Variants in FLNC observed in about 807,000 individuals in gnomAD.
The protein encoded by FLNC is filamin C.
In FLNC, 91 loss-of-function variants were observed where a neutral mutation model predicts 254.3. The ratio of observed to expected loss-of-function variants is 0.36; its 90% CI spans 0.30 to 0.43. The LOEUF (loss-of-function observed/expected upper bound fraction) is 0.43. Ranked by LOEUF, FLNC falls within the 20% of genes least tolerant of loss-of-function variation. The pLI is 1.00. For synonymous variants in FLNC, 1,430 were observed against 1,577.2 expected (o/e 0.91, Z 2.21); for missense variants, 2,853 against 3,802.6 (o/e 0.75, Z 6.57).
rs2291564 is a variant in FLNC at position 128,840,737 on chromosome 7, C to G, written c.1676+63C>G. 186,901 of 1,516,396 alleles carry G rather than the reference C, an allele frequency of 0.12. 16,615 individuals are homozygous for G. Among genetic ancestry groups the G allele is most frequent in the African/African-American group, 0.42 (30,576 of 72,676 alleles). The allele number at this position is 1,516,396 out of a possible 1,614,324, so 93.9% of individuals were successfully genotyped here. A position where few individuals can be genotyped will look rare whatever the true frequency, so the allele number is the denominator to read the frequency against. On this transcript the variant is annotated intron_variant, in intron 10 of 47. Coordinates refer to ENST00000325888, the MANE Select transcript of FLNC (RefSeq NM_001458.5). ...CCATCACAGGGAGGGACGAGGGGCACTGGGCTGCGAGGGAGTTTGAGGGGA... is the reference window on the plus strand; with the variant it reads ...CCATCACAGGGAGGGACGAGGGGCAGTGGGCTGCGAGGGAGTTTGAGGGGA...
chr7:128,852,539 G>A (rs1808862244), intron 35 of FLNC, 52 bp from the exon 36 acceptor site: 1 of 1,605,276 alleles, frequency 6.2e-7, no homozygotes, highest in African/African-American at 1.3e-5. Flanking sequence ...GCCCTGTGAG[G>A]GCAGGGCCTG....
In FLNC at chr7:128,844,641, C is replaced by T. The variant is rs1333550418; in HGVS notation, c.3193-17C>T. On this transcript the variant is annotated splice_polypyrimidine_tract_variant and intron_variant, in intron 20 of 47. Coordinates refer to ENST00000325888, the MANE Select transcript of FLNC (RefSeq NM_001458.5). The stretch of plus-strand genomic sequence containing the variant: ...GAGGCCAGGTGCAGGGAACCCACAA[C>T]CTGCCTCTTCCCCTAGGTCTGTGCT... 5.6e-6 allele frequency: 9 copies of T among 1,606,240 alleles called. No individual in the cohort carries two copies. In the South Asian group the frequency reaches 9.9e-5, roughly 18 times the overall value.
At position 128,830,613 on chromosome 7, in the gene FLNC, G is replaced by T. The variant is rs1436411028; in HGVS notation, c.-25G>T. The T allele has an allele frequency of 6.2e-7, 1 of 1,608,432 alleles. No individual in the cohort carries two copies. The highest frequency in any genetic ancestry group is 1.7e-5 in the Admixed American group (1 of 59,696). ...TAGCCCAAACCGCGGCCCTAGCCCCGGCCGCACCCCCAGCCCGCGCCAGCA... is the reference window on the plus strand; with the variant it reads ...TAGCCCAAACCGCGGCCCTAGCCCCTGCCGCACCCCCAGCCCGCGCCAGCA... On this transcript the variant is annotated 5_prime_UTR_variant, in exon 1 of 48. Coordinates refer to ENST00000325888, the MANE Select transcript of FLNC (RefSeq NM_001458.5).
In FLNC at chr7:128,836,337, C is replaced by T. The variant is rs752898053; in HGVS notation, c.601+763C>T. Among the ~76,000 whole-genome samples, 10 of 152,200 alleles carry T rather than the reference C, an allele frequency of 6.6e-5. No homozygotes were observed. The highest frequency in any genetic ancestry group is 8.8e-5 in the Non-Finnish European group (6 of 68,016). On this transcript the variant is annotated intron_variant, in intron 2 of 47. Coordinates refer to ENST00000325888, the MANE Select transcript of FLNC (RefSeq NM_001458.5). The surrounding 1 kb of genome is among the most constrained non-coding windows in gnomAD (Gnocchi z 6.0). The stretch of plus-strand genomic sequence containing the variant: ...CAGCCGGGGAGCAGAGGGTGGGAGG[C>T]GGGGGCACAGCCTCCTGGGAAGCAT...
intron 7 of FLNC, 50 bp downstream of exon 7, chr7:128,838,479 G>T (rs750976968): frequency 2.2e-5 from 35 of 1,607,544 alleles, no homozygotes; most frequent in Non-Finnish European, 2.9e-5. Flanking sequence ...ACCATGTGGG[G>T]CTGTGTGGGG....
Position 128,850,484 on chromosome 7 carries a change from G to T in FLNC, c.5398+1G>T. 1 of 1,611,202 alleles carries T rather than the reference G, an allele frequency of 6.2e-7. No individual in the cohort carries two copies. The highest frequency in any genetic ancestry group is 8.5e-7 in the Non-Finnish European group (1 of 1,178,066). ...GCGGTGCAGAAAGGGGAGCTCACAG[G>T]TACTGCCCTGTGGCTCCCAGGCATG... is the stretch of plus-strand genomic sequence containing the variant. On this transcript the variant is annotated splice_donor_variant, in intron 32 of 47. Transcript: ENST00000325888. LOFTEE classifies it high-confidence loss of function.
rs562609616 is a variant in FLNC, at chr7:128,840,820, C to T, written c.1677-14C>T. ...GCACTTCCTGGCATGGACACCAGCT[C>T]CCTCTCTGCCCAGCCCCTTTGAGGT... On this transcript the variant is annotated splice_polypyrimidine_tract_variant and intron_variant, in intron 10 of 47. Coordinates refer to ENST00000325888, the MANE Select transcript of FLNC (RefSeq NM_001458.5). 1.5e-5 allele frequency: 25 copies of T among 1,613,640 alleles called. No individual in the cohort carries two copies. In the South Asian group the frequency reaches 2.0e-4, roughly 13 times the overall value.
At position 128,835,886 on chromosome 7, in the gene FLNC, C is replaced by A. The variant is rs1409242376; in HGVS notation, c.601+312C>A. ...CACAGCTTATCTGTGGCAGAACCACCTAGAGCCCAGGGCCTGGACTCCCTG... is the reference window on the plus strand; with the variant it reads ...CACAGCTTATCTGTGGCAGAACCACATAGAGCCCAGGGCCTGGACTCCCTG... On this transcript the variant is annotated intron_variant, in intron 2 of 47. Transcript: ENST00000325888. The surrounding 1 kb of genome is among the most constrained non-coding windows in gnomAD (Gnocchi z 5.3). 6.6e-6 allele frequency among the ~76,000 whole-genome samples: 1 copy of A among 152,226 alleles called. No homozygotes were observed. Among genetic ancestry groups the A allele is most frequent in the Admixed American group, 6.5e-5 (1 of 15,294 alleles).
At chr7:128,845,941 T>C in intron 21 of FLNC, 49 bp from the exon 22 acceptor site, 1 of 1,573,428 alleles carries the variant, frequency 6.4e-7, no homozygotes, top group Non-Finnish European at 8.7e-7. Flanking sequence ...GGAGCATCTG[T>C]GTGAAGGCTG....
Position 128,830,566 on chromosome 7 carries a change from A to AACAGCGCCCG in FLNC, c.-66_-57dup. On this transcript the variant is annotated 5_prime_UTR_variant, in exon 1 of 48. Coordinates refer to ENST00000325888, the MANE Select transcript of FLNC (RefSeq NM_001458.5). Reference sequence around the variant, plus strand: ...GCAGCGAGTCCCGTGGTCGCGCCCCAACAGCGCCCGACAGCCCCCGATAGC... The same window carrying AACAGCGCCCG: ...GCAGCGAGTCCCGTGGTCGCGCCCCAACAGCGCCCGACAGCGCCCGACAGCCCCCGATAGC... 1.5e-6 allele frequency: 2 copies of AACAGCGCCCG among 1,341,632 alleles called. No homozygotes were observed. The highest frequency in any genetic ancestry group is 1.1e-6 in the Non-Finnish European group (1 of 948,840). 83.1% of individuals were successfully genotyped at this position (1,341,632 alleles called of 1,614,324 possible). A position where few individuals can be genotyped will look rare whatever the true frequency, so the allele number is the denominator to read the frequency against.
In FLNC at chr7:128,838,347, C is replaced by A. The variant is rs773165378; in HGVS notation, c.1128C>A (p.Asn376Lys). ...VNVGMALGDA[N>K]KVSARGPGLE... ...TGGGCATGGCCCTGGGAGATGCCAACAAGGTGTCAGCCCGTGGCCCTGGCC... is the reference window on the plus strand; with the variant it reads ...TGGGCATGGCCCTGGGAGATGCCAAAAAGGTGTCAGCCCGTGGCCCTGGCC... The change falls in exon 7 of 48, where the codon AAC becomes AAA. Residue 376 changes from asparagine to lysine, a missense_variant. Around this residue, in one of 10 missense-constraint regions of FLNC, gnomAD observed 1,573 missense variants for 1,883.5 expected, o/e 0.84. Coordinates refer to ENST00000325888, the MANE Select transcript of FLNC (RefSeq NM_001458.5). 6.8e-6 allele frequency: 11 copies of A among 1,613,976 alleles called. No individual in the cohort carries two copies. The highest frequency in any genetic ancestry group is 6.7e-5 in the East Asian group (3 of 44,894).
Position 128,840,870 on chromosome 7 carries a change from G to C in FLNC, c.1713G>C (p.Val571=). 2 of 1,614,026 alleles carry C rather than the reference G, an allele frequency of 1.2e-6. No individual in the cohort carries two copies. Among genetic ancestry groups the C allele is most frequent in the East Asian group, 4.5e-5 (2 of 44,876 alleles). The change falls in exon 11 of 48, where the codon GTG becomes GTC. Residue 571 remains valine (V), a synonymous_variant. Transcript: ENST00000325888. The stretch of plus-strand genomic sequence containing the variant: ...TACAGGTGAGCCCAGAGGCAGGAGT[G>C]CAAAAGGTCCGGGCCTGGGGTCCTG... ...FEVQVSPEAG[V]QKVRAWGPGL... is the part of the protein sequence containing the mutation.
chr7:128,834,318 C>CG (rs1808009073), intron 1 of FLNC, among the ~76,000 whole-genome samples: 1 of 147,816 alleles, frequency 6.8e-6, no homozygotes, highest in African/African-American at 2.6e-5. Flanking sequence ...GGCGCCCCCC[C>CG]CCCCCAAATC....
At chr7:128,837,833 C>T (rs914273146) in intron 5 of FLNC, 78 bp downstream of exon 5, 3 of 1,423,486 alleles carry the variant, frequency 2.1e-6, no homozygotes, top group African/African-American at 2.8e-5. Context: ...ACAGGAATGG[C>T]CCGGAGGTGA....
Position 128,854,772 on chromosome 7 carries a change from C to T in FLNC, c.6998-3C>T, listed in dbSNP as rs1446931452. 2 of 1,614,112 alleles carry T rather than the reference C, an allele frequency of 1.2e-6. No individual in the cohort carries two copies. Among genetic ancestry groups the T allele is most frequent in the South Asian group, 1.1e-5 (1 of 91,092 alleles). ...TGAAGTCCACTACCTTGCCTGTCCC[C>T]AGCCGAGTTCAGCATCTGGACCCGG... On this transcript the variant is annotated splice_polypyrimidine_tract_variant and splice_region_variant and intron_variant, in intron 41 of 47. Transcript: ENST00000325888.
intron 21 of FLNC, among the ~76,000 whole-genome samples, 184 bp from the exon 22 acceptor site, chr7:128,845,806 G>C (rs1808536806): frequency 6.8e-6 from 1 of 147,992 alleles, no homozygotes; most frequent in African/African-American, 2.5e-5. Context: ...TGGGGCCCAG[G>C]CTCCGATTAG....
intron 24 of FLNC, among the ~76,000 whole-genome samples, chr7:128,847,117 A>G (rs1808600832): frequency 6.6e-6 from 1 of 152,252 alleles, no homozygotes; most frequent in Non-Finnish European, 1.5e-5. Context: ...AATCACAGGA[A>G]CACACTCTGG....
Position 128,857,905 on chromosome 7 carries a change from C to T in FLNC, c.7781-103C>T. ...TTTGAGGGGGAGCCTCAAATGCAGG[C>T]AGTGAGTCCCACAGGGTGGCAGTGC... On this transcript the variant is annotated intron_variant, in intron 46 of 47. Transcript: ENST00000325888. The surrounding 1 kb of genome is among the most constrained non-coding windows in gnomAD (Gnocchi z 4.5). 1 of 815,568 alleles carries T rather than the reference C, an allele frequency of 1.2e-6. No homozygotes were observed. The highest frequency in any genetic ancestry group is 2.1e-6 in the Non-Finnish European group (1 of 478,308). 50.5% of individuals were successfully genotyped at this position (815,568 alleles called of 1,614,324 possible).
Position 128,858,148 on chromosome 7 carries a change from C to T in FLNC, c.7921C>T (p.Arg2641Trp), listed in dbSNP as rs750629528. ...CTCAGATGCCAGCAAGGTGGTGACT[C>T]GGGGCCCTGGGCTGTCCCAGGCCTT... ...FSSDASKVVT[R>W]GPGLSQAFVG... The change falls in exon 47 of 48, where the codon CGG becomes TGG. Residue 2641 changes from arginine (R) to tryptophan (W), a missense_variant. Around this residue, in one of 10 missense-constraint regions of FLNC, gnomAD observed 197 missense variants for 351.5 expected, o/e 0.56. Coordinates refer to ENST00000325888, the MANE Select transcript of FLNC (RefSeq NM_001458.5). This position sits in a 1 kb window ranked among gnomAD's most constrained non-coding sequence, Gnocchi z 6.7. The T allele has an allele frequency of 8.7e-6, 14 of 1,610,462 alleles. 1 individual carries two copies. The highest frequency in any genetic ancestry group is 1.6e-4 in the Middle Eastern group (1 of 6,062).
Sources: allele counts gnomAD v4.1 joint callset (sites outside exome capture counted in the v4.1 genomes callset), GRCh38; gene constraint gnomAD v4.1.1; regional missense constraint gnomAD v4.1.1; non-coding constraint Gnocchi (gnomAD v3.1); transcripts MANE v1.5; gene names NCBI Gene and HGNC (gene_info 2026-07-23, HGNC 2026-07-21).